Variants in GTF2I observed in about 807,000 individuals in gnomAD.
GTF2I encodes the protein general transcription factor II-I.
In GTF2I, 12 loss-of-function variants were observed where a neutral mutation model predicts 67.6. The observed-to-expected ratio is 0.18, with a 90% confidence interval of 0.11 to 0.29. The LOEUF (loss-of-function observed/expected upper bound fraction) is 0.29. Ranked by LOEUF, GTF2I falls within the 10% of genes least tolerant of loss-of-function variation. The pLI, the probability that GTF2I is intolerant of heterozygous loss-of-function variation, is 1.00. For missense variants in GTF2I, 271 were observed against 580.1 expected (o/e 0.47, Z 5.47); for synonymous variants, 149 against 197.0 (o/e 0.76, Z 2.04).
At chr7:74,718,529 C>T (rs1179465624) in intron 11 of GTF2I, among the ~76,000 whole-genome samples, 1 of 152,124 alleles carries the variant, frequency 6.6e-6, no homozygotes, top group Non-Finnish European at 1.5e-5. Context: ...AAATTCTAAC[C>T]AAAGTAGAAA....
At chr7:74,685,818 C>T (rs182855009) in intron 1 of GTF2I, among the ~76,000 whole-genome samples, 26 of 151,898 alleles carry the variant, frequency 1.7e-4, no homozygotes, top group African/African-American at 6.3e-4. Flanking sequence ...GGTAATCCGG[C>T]CGAGGCGGGC....
intron 12 of GTF2I, among the ~76,000 whole-genome samples, chr7:74,720,772 T>C (rs1792867515): frequency 6.8e-6 from 1 of 146,230 alleles, no homozygotes. Context: ...AGACAGAGTC[T>C]GGCTCTGTCG....
chr7:74,689,252 C>T, intron 2 of GTF2I, 25 bp downstream of exon 2: 1 of 1,280,586 alleles, frequency 7.8e-7, no homozygotes, highest in Non-Finnish European at 1.1e-6. Context: ...TCCATCATTC[C>T]ATAGTTGGGT....
At chr7:74,671,049 T>A (rs981956875) in intron 1 of GTF2I, among the ~76,000 whole-genome samples, 1 of 151,056 alleles carries the variant, frequency 6.6e-6, no homozygotes, top group Non-Finnish European at 1.5e-5. Flanking sequence ...AACTCAGAGC[T>A]GAACTTGTGA....
intron 3 of GTF2I, among the ~76,000 whole-genome samples, chr7:74,697,350 G>A (rs782086553): frequency 2.6e-5 from 4 of 151,960 alleles, no homozygotes; most frequent in African/African-American, 4.8e-5. Context: ...AGCCACGATC[G>A]TGCCACTGCA....
rs1341262565 is a variant in GTF2I at position 74,743,336 on chromosome 7, AAAAC to A, written c.1679-105_1679-102del. The A allele has an allele frequency of 5.9e-5, 17 of 286,148 alleles. No individual in the cohort carries two copies. The East Asian group carries it at 6.5e-4, about 11-fold the overall frequency. 17.7% of individuals were successfully genotyped at this position (286,148 alleles called of 1,614,324 possible). ...AGACTCTGTCTCAAAAAAATAAAAC[AAAAC>A]AAACAAAAAAGAATCACTGCAAACA... On this transcript the variant is annotated intron_variant, in intron 19 of 34. Transcript: ENST00000573035.
Position 74,704,292 on chromosome 7 carries a change from A to T in GTF2I, c.587-872A>T, listed in dbSNP as rs936644656. 2.5e-4 allele frequency among the ~76,000 whole-genome samples: 37 copies of T among 149,358 alleles called. No individual in the cohort carries two copies. In the East Asian group the frequency reaches 3.1e-3, roughly 13 times the overall value. ...TTTTTATTTATTTATTTATTTATTTATTTTTTTATTTATTTTGAGATGGAG... is the reference window on the plus strand; with the variant it reads ...TTTTTATTTATTTATTTATTTATTTTTTTTTTTATTTATTTTGAGATGGAG... On this transcript the variant is annotated intron_variant, in intron 6 of 34. Transcript: ENST00000573035.
At chr7:74,732,264 C>T (rs1584313921) in intron 14 of GTF2I, among the ~76,000 whole-genome samples, 1 of 151,594 alleles carries the variant, frequency 6.6e-6, no homozygotes, top group South Asian at 2.1e-4. Flanking sequence ...GTCCCAGCTA[C>T]TCGGGAGGCT....
chr7:74,692,209 G>A (rs963735426), intron 3 of GTF2I, among the ~76,000 whole-genome samples: 7 of 151,986 alleles, frequency 4.6e-5, no homozygotes, highest in African/African-American at 1.7e-4. Flanking sequence ...GAGTAGCTGG[G>A]ATTACAGGTG....
chr7:74,713,001 T>C (rs1169294554), intron 9 of GTF2I, among the ~76,000 whole-genome samples: 1 of 152,192 alleles, frequency 6.6e-6, no homozygotes, highest in African/African-American at 2.4e-5. Context: ...TGGGAATGTG[T>C]TGATTTTCTC....
At chr7:74,658,649 G>T (rs1396496624) in intron 1 of GTF2I, among the ~76,000 whole-genome samples, 39 of 150,568 alleles carry the variant, frequency 2.6e-4, no homozygotes, top group Non-Finnish European at 4.8e-4. Flanking sequence ...CCTGGTAACT[G>T]CGGCGGGCGG....
intron 1 of GTF2I, among the ~76,000 whole-genome samples, chr7:74,661,196 TG>T (rs1322348076): frequency 1.3e-5 from 2 of 152,098 alleles, no homozygotes; most frequent in Non-Finnish European, 2.9e-5. Flanking sequence ...GTGCGGACTC[TG>T]CTTGCTGGGC....
At chr7:74,690,948 A>T (rs782819451) in intron 2 of GTF2I, 25 bp from the exon 3 acceptor site, 7 of 1,599,194 alleles carry the variant, frequency 4.4e-6, no homozygotes, top group Non-Finnish European at 6.0e-6. Flanking sequence ...CGCCTGTAAC[A>T]TGATGTTTGC....
In GTF2I at chr7:74,732,476, T is replaced by C. The variant is rs376000371; in HGVS notation, c.1121-3T>C. 1,112 of 1,533,682 alleles carry C rather than the reference T, an allele frequency of 7.3e-4. 5 individuals are homozygous for C. The African/African-American group carries it at 0.014, about 19-fold the overall frequency. Reference sequence around the variant, plus strand: ...ATATCTCTTTCTCTTTTTGTCCTTATAGCTCAAGCCATAAAAGCCAAAGGT... The same window carrying C: ...ATATCTCTTTCTCTTTTTGTCCTTACAGCTCAAGCCATAAAAGCCAAAGGT... On this transcript the variant is annotated splice_region_variant and splice_polypyrimidine_tract_variant and intron_variant, in intron 14 of 34. Coordinates refer to ENST00000573035, the MANE Select transcript of GTF2I (RefSeq NM_032999.4).
At chr7:74,733,453 G>A (rs1259153510) in intron 15 of GTF2I, 2 of 150,604 alleles carry the variant, frequency 1.3e-5, no homozygotes, top group African/African-American at 4.9e-5. Flanking sequence ...TTTTTACTCT[G>A]TAGAAACCTC....
At chr7:74,723,586 A>G (rs1412495472) in intron 12 of GTF2I, among the ~76,000 whole-genome samples, 2 of 150,626 alleles carry the variant, frequency 1.3e-5, no homozygotes, top group Non-Finnish European at 3.0e-5. Context: ...ACACGCCACC[A>G]TGTCCAGCCA....
intron 8 of GTF2I, among the ~76,000 whole-genome samples, chr7:74,710,011 T>G (rs1343185055): frequency 2.6e-5 from 4 of 152,212 alleles, no homozygotes; most frequent in Non-Finnish European, 5.9e-5. Flanking sequence ...CTGATGGACA[T>G]GAAAGTGCTA....
intron 4 of GTF2I, chr7:74,700,016 G>A: frequency 2.2e-6 from 1 of 460,842 alleles, no homozygotes; most frequent in Non-Finnish European, 3.9e-6. Context: ...CTCTCTATGT[G>A]TTTTTTAAAG....
chr7:74,675,664 T>C (rs1805836150), intron 1 of GTF2I, among the ~76,000 whole-genome samples: 1 of 152,064 alleles, frequency 6.6e-6, no homozygotes, highest in Non-Finnish European at 1.5e-5. Flanking sequence ...GATAATGGAA[T>C]TTGAAAAATA....
Sources: allele counts gnomAD v4.1 joint callset (sites outside exome capture counted in the v4.1 genomes callset), GRCh38; gene constraint gnomAD v4.1.1; transcripts MANE v1.5; gene names NCBI Gene and HGNC (gene_info 2026-07-23, HGNC 2026-07-21).